The following SEMA5A variants were observed in gnomAD, a reference collection of about 807,000 sequenced individuals.
SEMA5A encodes the protein semaphorin 5A, also known as semaphorin-5A.
Under a neutral mutation model 135.5 loss-of-function variants are expected in SEMA5A, and 55 were observed. That is an observed-to-expected ratio of 0.41 (90% CI 0.33 to 0.51). SEMA5A has a LOEUF of 0.51. SEMA5A is among the 20% of genes least tolerant of loss of function. The pLI, the probability that SEMA5A is intolerant of heterozygous loss-of-function variation, is 0.37. For synonymous variants in SEMA5A, 580 were observed against 546.5 expected (o/e 1.06, Z -0.85); for missense variants, 1,290 against 1,419.9 (o/e 0.91, Z 1.47).
intron 16 of SEMA5A, among the ~76,000 whole-genome samples, chr5:9,068,732 G>T (rs910878501): frequency 1.3e-5 from 2 of 152,134 alleles, no homozygotes; most frequent in African/African-American, 4.8e-5. Context: ...AGCTCTCTGA[G>T]GGGTCTCTGG....
intron 3 of SEMA5A, among the ~76,000 whole-genome samples, chr5:9,376,603 A>T (rs1755372698): frequency 6.6e-6 from 1 of 152,200 alleles, no homozygotes; most frequent in Admixed American, 6.5e-5. Flanking sequence ...AAATAGTCTA[A>T]ACCCTTTTAA....
chr5:9,358,982 C>G (rs904624330), intron 3 of SEMA5A, among the ~76,000 whole-genome samples: 1 of 152,098 alleles, frequency 6.6e-6, no homozygotes, highest in Non-Finnish European at 1.5e-5. Context: ...GGATGTGGGG[C>G]TATGGAAAAA....
chr5:9,203,221 A>T (rs1158076823), intron 8 of SEMA5A, among the ~76,000 whole-genome samples: 1 of 151,118 alleles, frequency 6.6e-6, no homozygotes, highest in African/African-American at 2.5e-5. Flanking sequence ...CTATTCATTC[A>T]ATCAGCAAGT....
intron 3 of SEMA5A, among the ~76,000 whole-genome samples, chr5:9,338,598 C>T (rs1217441180): frequency 6.6e-6 from 1 of 152,152 alleles, no homozygotes; most frequent in Non-Finnish European, 1.5e-5. Context: ...GAGTTGCCCA[C>T]CAAACGTGGG....
chr5:9,160,008 C>A (rs1743163204), intron 11 of SEMA5A, among the ~76,000 whole-genome samples: 1 of 151,916 alleles, frequency 6.6e-6, no homozygotes, highest in African/African-American at 2.4e-5. Flanking sequence ...ACATTGAGAA[C>A]ACATGGACAC....
chr5:9,073,377 T>C (rs1343349673), intron 16 of SEMA5A, among the ~76,000 whole-genome samples: 1 of 152,192 alleles, frequency 6.6e-6, no homozygotes, highest in Non-Finnish European at 1.5e-5. Flanking sequence ...TCTCAATAGA[T>C]GCAAAAATTA....
At chr5:9,083,728 T>G (rs778129610) in intron 16 of SEMA5A, among the ~76,000 whole-genome samples, 2 of 152,098 alleles carry the variant, frequency 1.3e-5, no homozygotes, top group Non-Finnish European at 2.9e-5. Context: ...AATAAACCCA[T>G]GAAGTTTAAG....
chr5:9,453,882 G>A (rs1337021124), intron 1 of SEMA5A, among the ~76,000 whole-genome samples: 1 of 152,124 alleles, frequency 6.6e-6, no homozygotes, highest in Non-Finnish European at 1.5e-5. Flanking sequence ...GATCATCACA[G>A]GCCAACCTGA....
rs117686114 is a variant in SEMA5A at position 9,449,272 on chromosome 5, A to T, written c.-174-11420T>A. ...ACGAGATCATGTCCTCTGCAGGGAC[A>T]TGGATGAGGTTGGAAGCCATTATCC... On this transcript the variant is annotated intron_variant, in intron 1 of 22. Coordinates refer to ENST00000382496, the MANE Select transcript of SEMA5A (RefSeq NM_003966.3). 3.0e-3 allele frequency among the ~76,000 whole-genome samples: 455 copies of T among 152,310 alleles called. 8 individuals are homozygous for T. In the East Asian group the frequency reaches 0.037, roughly 12 times the overall value.
chr5:9,415,822 G>A (rs1199797292), intron 2 of SEMA5A, among the ~76,000 whole-genome samples: 1 of 152,154 alleles, frequency 6.6e-6, no homozygotes, highest in Non-Finnish European at 1.5e-5. Context: ...TTCATATAAT[G>A]TTCTGCAGTG....
intron 12 of SEMA5A, among the ~76,000 whole-genome samples, chr5:9,147,243 C>A (rs1579480051): frequency 6.6e-6 from 1 of 152,140 alleles, no homozygotes; most frequent in South Asian, 2.1e-4. Context: ...ATTAAGAACG[C>A]CCAAATACCA....
At chr5:9,190,741 T>C (rs1223136648) in intron 10 of SEMA5A, among the ~76,000 whole-genome samples, 4 of 152,214 alleles carry the variant, frequency 2.6e-5, no homozygotes, top group African/African-American at 7.2e-5. Context: ...TGGGAGTGAT[T>C]GCTAACTTTA....
chr5:9,383,752 T>C (rs1278458493), intron 2 of SEMA5A, among the ~76,000 whole-genome samples: 2 of 152,330 alleles, frequency 1.3e-5, no homozygotes, highest in African/African-American at 2.4e-5. Context: ...CAGACCTGCT[T>C]GTGACCGCAA....
chr5:9,122,679 GC>G lies in SEMA5A; in HGVS notation c.1757del (p.Gly586AlafsTer119). ...QCGGWQCEGPGMEIANCSRNG... is the reference protein window; with the variant it reads ...QCGGWQCEGPXMEIANCSRNG... ...ACCTGGAACAGTTGGCGATCTCCATGCCAGGGCCCTCGCACTGCCAGCCACC... is the reference window on the plus strand; with the variant it reads ...ACCTGGAACAGTTGGCGATCTCCATGCAGGGCCCTCGCACTGCCAGCCACC... On this transcript the variant is annotated frameshift_variant, in exon 14 of 23. Coordinates refer to ENST00000382496, the MANE Select transcript of SEMA5A (RefSeq NM_003966.3). LOFTEE classifies it high-confidence loss of function. The G allele has an allele frequency of 6.2e-7, 1 of 1,606,448 alleles. No individual in the cohort carries two copies.
intron 18 of SEMA5A, 39 bp downstream of exon 18, chr5:9,062,848 G>A: frequency 6.2e-7 from 1 of 1,605,258 alleles, no homozygotes; most frequent in Admixed American, 1.7e-5. Flanking sequence ...CAAGGCCCTT[G>A]AGTTTTCAGA....
chr5:9,319,730 A>G (rs564974136), intron 4 of SEMA5A, among the ~76,000 whole-genome samples: 1 of 151,230 alleles, frequency 6.6e-6, no homozygotes, highest in South Asian at 2.1e-4. Flanking sequence ...GATCTCCAAG[A>G]AGCCAAGGAT....
chr5:9,331,852 C>T (rs1753146723), intron 4 of SEMA5A, among the ~76,000 whole-genome samples: 1 of 152,190 alleles, frequency 6.6e-6, no homozygotes, highest in South Asian at 2.1e-4. Context: ...CCTTTTTTAT[C>T]TGTAGTTTTG....
chr5:9,122,951 G>A, intron 13 of SEMA5A, 114 bp from the exon 14 acceptor site: 1 of 1,016,166 alleles, frequency 9.8e-7, no homozygotes, highest in Non-Finnish European at 1.4e-6. Flanking sequence ...ATTTGTTGTT[G>A]TTGTTGCTGC....
intron 5 of SEMA5A, among the ~76,000 whole-genome samples, chr5:9,267,250 G>A (rs891716902): frequency 2.6e-5 from 4 of 152,020 alleles, no homozygotes; most frequent in Admixed American, 2.0e-4. Context: ...GCAGGCTTCT[G>A]GGTTTGGAAA....
Sources: gnomAD v4.1 joint callset for allele counts (sites outside exome capture counted in the v4.1 genomes callset) on GRCh38, gnomAD v4.1.1 for gene constraint, MANE v1.5 for transcripts, NCBI Gene and HGNC (gene_info 2026-07-23, HGNC 2026-07-21) for gene names.